ATXN1: variants seen among roughly 807,000 people sequenced by gnomAD.
ATXN1 encodes ataxin 1.
A neutral mutation model predicts 56.4 loss-of-function variants in ATXN1; 8 were observed. The ratio of observed to expected loss-of-function variants is 0.14; its 90% CI spans 0.08 to 0.26. The LOEUF is 0.26. ATXN1 is among the 10% of genes least tolerant of loss of function. The probability of loss-of-function intolerance (pLI) is 1.00; values close to 1 mark genes in which losing one functional copy is unlikely to be tolerated. For missense variants in ATXN1, 987 were observed against 1,106.5 expected (o/e 0.89, Z 1.53); for synonymous variants, 514 against 494.6 (o/e 1.04, Z -0.52).
chr6:16,661,610 A>G (rs960574617), intron 2 of ATXN1, among the ~76,000 whole-genome samples: 29 of 152,286 alleles, frequency 1.9e-4, no homozygotes, highest in Non-Finnish European at 2.9e-5. Context: ...TAGTGACTCA[A>G]TTCTAGCAAA....
Position 16,326,282 on chromosome 6 carries a change from G to A in ATXN1, c.1917+112C>T. On this transcript the variant is annotated intron_variant, in intron 7 of 7. Transcript: ENST00000436367. This position sits in a 1 kb window ranked among gnomAD's most constrained non-coding sequence, Gnocchi z 6.6. ...GGGAAAGGCCGAGTCTAAGGTCTAG[G>A]TGTACCCGAGAACCCTTAATCCTGC... 1 of 1,509,398 alleles carries A rather than the reference G, an allele frequency of 6.6e-7. No homozygotes were observed. The highest frequency in any genetic ancestry group is 8.8e-7 in the Non-Finnish European group (1 of 1,134,080). 93.5% of individuals were successfully genotyped at this position (1,509,398 alleles called of 1,614,324 possible).
chr6:16,536,516 C>T (rs971389284), intron 4 of ATXN1, among the ~76,000 whole-genome samples: 2 of 152,120 alleles, frequency 1.3e-5, no homozygotes, highest in African/African-American at 2.4e-5. Context: ...GAAAGTCTCT[C>T]GTGAACAACT....
intron 4 of ATXN1, among the ~76,000 whole-genome samples, chr6:16,526,375 C>G (rs908793750): frequency 2.1e-4 from 32 of 152,168 alleles, no homozygotes; most frequent in African/African-American, 7.2e-4. Flanking sequence ...ATATAAAAAG[C>G]CTTAACAGCA....
intron 6 of ATXN1, among the ~76,000 whole-genome samples, chr6:16,456,536 G>A (rs902057338): frequency 6.6e-6 from 1 of 152,172 alleles, no homozygotes; most frequent in East Asian, 1.9e-4. Flanking sequence ...CGACAGAGAG[G>A]AAAGCCATTC....
chr6:16,506,675 A>G lies in ATXN1; in HGVS notation c.-299+15952T>C, dbSNP rs544913633. 6.6e-6 allele frequency among the ~76,000 whole-genome samples: 1 copy of G among 152,334 alleles called. No individual in the cohort carries two copies. The highest frequency in any genetic ancestry group is 6.5e-5 in the Admixed American group (1 of 15,298). ...GCAATTCCCAGGTCAAAGATGTGAAATGAACATTATCATTATTTGTTTCAG... is the reference window on the plus strand; with the variant it reads ...GCAATTCCCAGGTCAAAGATGTGAAGTGAACATTATCATTATTTGTTTCAG... On this transcript the variant is annotated intron_variant, in intron 5 of 7. Transcript: ENST00000436367. The surrounding 1 kb of genome is among the most constrained non-coding windows in gnomAD (Gnocchi z 4.1).
intron 7 of ATXN1, among the ~76,000 whole-genome samples, chr6:16,319,870 T>A (rs1158855037): frequency 5.3e-5 from 8 of 152,010 alleles, no homozygotes; most frequent in South Asian, 2.1e-4. Flanking sequence ...TTTTTTTTTT[T>A]TAGAGAGGTA....
chr6:16,430,471 T>C (rs952620224), intron 6 of ATXN1, among the ~76,000 whole-genome samples: 1 of 152,224 alleles, frequency 6.6e-6, no homozygotes, highest in Non-Finnish European at 1.5e-5. Context: ...ATACACACTA[T>C]TTCCAGACAT....
At chr6:16,701,401 C>T (rs1460685805) in intron 2 of ATXN1, among the ~76,000 whole-genome samples, 1 of 152,140 alleles carries the variant, frequency 6.6e-6, no homozygotes, top group Admixed American at 6.6e-5. Flanking sequence ...AAGGAGTAGG[C>T]TGTCTTTAAA....
In ATXN1 at chr6:16,606,239, G is replaced by A. The variant is rs1763002730; in HGVS notation, c.-488-20332C>T. ...TTTAGAACACCTAGCACAGGACATA[G>A]GCTCAATCAATATTCAGTATTCAAT... On this transcript the variant is annotated intron_variant, in intron 3 of 7. Coordinates refer to ENST00000436367, the MANE Select transcript of ATXN1 (RefSeq NM_001128164.2). 2.0e-5 allele frequency among the ~76,000 whole-genome samples: 3 copies of A among 152,152 alleles called. No homozygotes were observed. In the South Asian group the frequency reaches 6.2e-4, roughly 32 times the overall value.
At chr6:16,401,458 A>G (rs1315281991) in intron 6 of ATXN1, among the ~76,000 whole-genome samples, 1 of 152,180 alleles carries the variant, frequency 6.6e-6, no homozygotes, top group African/African-American at 2.4e-5. Context: ...TTTAAAAAAA[A>G]TAGCTGGGTG....
chr6:16,549,314 C>A (rs1230815644), intron 4 of ATXN1, among the ~76,000 whole-genome samples: 1 of 152,176 alleles, frequency 6.6e-6, no homozygotes, highest in African/African-American at 2.4e-5. Context: ...ACTGGCAGCA[C>A]AGTAGGGTTG....
intron 5 of ATXN1, among the ~76,000 whole-genome samples, chr6:16,499,380 G>C (rs142465263): frequency 1.3e-5 from 2 of 152,240 alleles, no homozygotes; most frequent in East Asian, 3.9e-4. Context: ...CACTATGACT[G>C]TATTCAGCCA....
intron 6 of ATXN1, among the ~76,000 whole-genome samples, chr6:16,329,426 G>A (rs892647858): frequency 2.0e-5 from 3 of 151,758 alleles, no homozygotes; most frequent in Admixed American, 6.6e-5. Context: ...ACACACACAC[G>A]CCAACTCAGC....
chr6:16,467,337 G>T (rs1490705321), intron 6 of ATXN1, among the ~76,000 whole-genome samples: 1 of 152,262 alleles, frequency 6.6e-6, no homozygotes, highest in Non-Finnish European at 1.5e-5. Flanking sequence ...ATGTGGCCGG[G>T]AGTTAGCATG....
chr6:16,678,130 A>C (rs1171795268), intron 2 of ATXN1, among the ~76,000 whole-genome samples: 2 of 152,266 alleles, frequency 1.3e-5, no homozygotes, highest in Admixed American at 6.5e-5. Context: ...TGCATGGCAA[A>C]AATGCACATT....
At chr6:16,590,698 C>A (rs988330011) in intron 3 of ATXN1, among the ~76,000 whole-genome samples, 2 of 150,888 alleles carry the variant, frequency 1.3e-5, no homozygotes, top group Admixed American at 6.6e-5. Context: ...GAGACAAGTT[C>A]TCACTCTGTT....
intron 6 of ATXN1, among the ~76,000 whole-genome samples, chr6:16,394,779 A>C (rs1054026486): frequency 6.6e-6 from 1 of 152,224 alleles, no homozygotes; most frequent in Non-Finnish European, 1.5e-5. Context: ...CCAAGAGTAG[A>C]CAGCCAGTCC....
intron 6 of ATXN1, among the ~76,000 whole-genome samples, chr6:16,441,250 T>A (rs559902232): frequency 6.6e-6 from 1 of 152,124 alleles, no homozygotes; most frequent in African/African-American, 2.4e-5. Context: ...ATGGCAGTAA[T>A]AATTTAGCCA....
Position 16,306,131 on chromosome 6 carries a change from T to TC in ATXN1, c.*197dup, listed in dbSNP as rs1760241397. 1 of 610,872 alleles carries TC rather than the reference T, an allele frequency of 1.6e-6. No homozygotes were observed. Among genetic ancestry groups the TC allele is most frequent in the Non-Finnish European group, 2.6e-6 (1 of 378,572 alleles). The allele number at this position is 610,872 out of a possible 1,614,324, so 37.8% of individuals were successfully genotyped here. A position where few individuals can be genotyped will look rare whatever the true frequency, so the allele number is the denominator to read the frequency against. On this transcript the variant is annotated 3_prime_UTR_variant, in exon 8 of 8. Transcript: ENST00000436367. This position sits in a 1 kb window ranked among gnomAD's most constrained non-coding sequence, Gnocchi z 5.2. ...CTGCTGTGCCCTTCCTCCCGCCCGC[T>TC]CACTGACAGACACTCGTGGAAAAAG...
Sources: gnomAD v4.1 joint callset for allele counts (sites outside exome capture counted in the v4.1 genomes callset) on GRCh38, gnomAD v4.1.1 for gene constraint, Gnocchi (gnomAD v3.1) non-coding constraint, MANE v1.5 for transcripts, NCBI Gene and HGNC (gene_info 2026-07-23, HGNC 2026-07-21) for gene names.